Variants in CHEK2 observed in about 807,000 individuals in gnomAD.
The protein encoded by CHEK2 is checkpoint kinase 2.
Under a neutral mutation model 69.1 loss-of-function variants are expected in CHEK2, and 71 were observed. That is an observed-to-expected ratio of 1.03 (90% CI 0.85 to 1.25). The LOEUF (loss-of-function observed/expected upper bound fraction) is 1.25, where lower values mean the gene tolerates loss of function less well. CHEK2 is among the 50% of genes most tolerant of loss of function. CHEK2 has a pLI of 0.00. For synonymous variants in CHEK2, 189 were observed against 226.9 expected (o/e 0.83, Z 1.50); for missense variants, 664 against 649.6 (o/e 1.02, Z -0.24).
chr22:28,700,262 A>G (rs1379136533), intron 8 of CHEK2, among the ~76,000 whole-genome samples: 1 of 135,610 alleles, frequency 7.4e-6, no homozygotes, highest in Non-Finnish European at 1.5e-5. Flanking sequence ...CCCAGGTTGG[A>G]GTGCAGTGGT....
intron 4 of CHEK2, among the ~76,000 whole-genome samples, chr22:28,723,863 C>T (rs1297041745): frequency 1.3e-5 from 2 of 151,750 alleles, no homozygotes; most frequent in Non-Finnish European, 1.5e-5. Context: ...GTGGGAGGAT[C>T]ACTTGAGCCT....
intron 5 of CHEK2, among the ~76,000 whole-genome samples, chr22:28,716,072 C>T (rs1391004837): frequency 6.6e-6 from 1 of 151,970 alleles, no homozygotes; most frequent in East Asian, 1.9e-4. Flanking sequence ...TCTCTATTGC[C>T]CAGCTGCCCA....
chr22:28,736,429 G>C (rs2054407017), intron 1 of CHEK2, among the ~76,000 whole-genome samples: 1 of 152,100 alleles, frequency 6.6e-6, no homozygotes, highest in African/African-American at 2.4e-5. Flanking sequence ...GACACCTAAG[G>C]ACCCAGTGAC....
intron 2 of CHEK2, among the ~76,000 whole-genome samples, chr22:28,728,662 A>C (rs2054090161): frequency 6.6e-6 from 1 of 152,054 alleles, no homozygotes; most frequent in Non-Finnish European, 1.5e-5. Context: ...ATATTGTGCC[A>C]CTGCACTCCA....
chr22:28,699,269 C>CCA (rs2052719673), intron 9 of CHEK2, among the ~76,000 whole-genome samples: 3 of 151,968 alleles, frequency 2.0e-5, no homozygotes, highest in African/African-American at 7.2e-5. Context: ...TCTCAAAGTG[C>CCA]TGGGACTACA....
intron 1 of CHEK2, among the ~76,000 whole-genome samples, chr22:28,741,113 G>A (rs2054541795): frequency 7.6e-6 from 1 of 132,204 alleles, no homozygotes; most frequent in Admixed American, 8.8e-5. Flanking sequence ...TCGCGCCACT[G>A]CACTCCAGCC....
At chr22:28,721,340 G>A (rs1344363998) in intron 4 of CHEK2, among the ~76,000 whole-genome samples, 1 of 138,310 alleles carries the variant, frequency 7.2e-6, no homozygotes. Context: ...AGGCTAGAGT[G>A]CAATGGTGCA....
intron 9 of CHEK2, among the ~76,000 whole-genome samples, chr22:28,698,227 C>CAAAAAAAAAAAAAA (rs1163039503): frequency 6.8e-5 from 2 of 29,416 alleles, no homozygotes; most frequent in Non-Finnish European, 2.3e-4. Flanking sequence ...CCTATCTTTA[C>CAAAAAAAAAAAAAA]TAAAAAAAAA....
intron 7 of CHEK2, among the ~76,000 whole-genome samples, chr22:28,708,454 G>A (rs766497019): frequency 1.3e-4 from 19 of 150,100 alleles, no homozygotes; most frequent in Admixed American, 1.3e-4. Context: ...ATTCAGAGAG[G>A]ACGAATAATT....
chr22:28,729,871 TC>T (rs1427359496), intron 2 of CHEK2, among the ~76,000 whole-genome samples: 1 of 151,962 alleles, frequency 6.6e-6, no homozygotes, highest in Non-Finnish European at 1.5e-5. Context: ...TGCCATAGGC[TC>T]CCAAAGCACT....
chr22:28,719,614 G>A lies in CHEK2; in HGVS notation c.593-129C>T, dbSNP rs1028863432. On this transcript the variant is annotated intron_variant, in intron 4 of 14. Transcript: ENST00000404276. ...ACTACATTTAACATGTAACCTTAAG[G>A]AAATTAGTATGTATGTAATATAATA... is the stretch of plus-strand genomic sequence containing the variant. 14 of 619,868 alleles carry A rather than the reference G, an allele frequency of 2.3e-5. No homozygotes were observed. The African/African-American group carries it at 2.6e-4, about 11-fold the overall frequency. 38.4% of individuals were successfully genotyped at this position (619,868 alleles called of 1,614,324 possible).
At chr22:28,711,486 A>C (rs1601781287) in intron 6 of CHEK2, among the ~76,000 whole-genome samples, 1 of 152,210 alleles carries the variant, frequency 6.6e-6, no homozygotes, top group East Asian at 1.9e-4. Context: ...CTGTATATAC[A>C]AGATGATTTC....
intron 8 of CHEK2, among the ~76,000 whole-genome samples, chr22:28,703,221 T>C (rs923045471): frequency 4.6e-5 from 7 of 152,166 alleles, no homozygotes; most frequent in Non-Finnish European, 1.0e-4. Context: ...CTCAGAAAAG[T>C]GAGTTAAACT....
chr22:28,719,916 A>G (rs888527340), intron 4 of CHEK2, among the ~76,000 whole-genome samples: 1 of 152,158 alleles, frequency 6.6e-6, no homozygotes, highest in Non-Finnish European at 1.5e-5. Context: ...AAATTAGGCC[A>G]TCAGTATCAC....
At chr22:28,729,688 T>C (rs1177603707) in intron 2 of CHEK2, among the ~76,000 whole-genome samples, 1 of 152,052 alleles carries the variant, frequency 6.6e-6, no homozygotes, top group Non-Finnish European at 1.5e-5. Context: ...AACACCCTTT[T>C]ATAACAAAAA....
At chr22:28,718,837 G>A (rs186911441) in intron 5 of CHEK2, among the ~76,000 whole-genome samples, 10 of 150,874 alleles carry the variant, frequency 6.6e-5, no homozygotes, top group East Asian at 2.0e-4. Flanking sequence ...AGTCAAGATC[G>A]TACCACTGCA....
At chr22:28,730,006 A>G (rs1202509581) in intron 2 of CHEK2, among the ~76,000 whole-genome samples, 1 of 150,866 alleles carries the variant, frequency 6.6e-6, no homozygotes, top group Non-Finnish European at 1.5e-5. Context: ...CGCCCGGCTA[A>G]TTTTGTTTTT....
Position 28,699,855 on chromosome 22 carries a change from T to C in CHEK2, c.991A>G (p.Met331Val), listed in dbSNP as rs1555915357. The C allele has an allele frequency of 6.2e-7, 1 of 1,613,462 alleles. No homozygotes were observed. Among genetic ancestry groups the C allele is most frequent in the South Asian group, 1.1e-5 (1 of 91,074 alleles). ...EATCKLYFYQ[M>V]LLAVQYLHEN... Reference sequence around the variant, plus strand: ...TCTTTTACCTGCACAGCCAAGAGCATCTGGTAAAAATAGAGCTTGCAGGTA... The same window carrying C: ...TCTTTTACCTGCACAGCCAAGAGCACCTGGTAAAAATAGAGCTTGCAGGTA... The change falls in exon 9 of 15, where the codon ATG becomes GTG. Residue 331 changes from methionine to valine, a missense_variant. Coordinates refer to ENST00000404276, the MANE Select transcript of CHEK2 (RefSeq NM_007194.4).
intron 8 of CHEK2, among the ~76,000 whole-genome samples, chr22:28,702,660 C>CT: frequency 6.6e-6 from 1 of 151,494 alleles, no homozygotes; most frequent in Non-Finnish European, 1.5e-5. Flanking sequence ...TATTCTCCTG[C>CT]TTCAGCCTCC....
Sources: allele counts gnomAD v4.1 joint callset (sites outside exome capture counted in the v4.1 genomes callset), GRCh38; gene constraint gnomAD v4.1.1; transcripts MANE v1.5; gene names NCBI Gene and HGNC (gene_info 2026-07-23, HGNC 2026-07-21).